The following ZDHHC14 variants were observed in gnomAD, a reference collection of about 807,000 sequenced individuals.
ZDHHC14 encodes zDHHC palmitoyltransferase 14, also known as palmitoyltransferase ZDHHC14.
In ZDHHC14, 16 loss-of-function variants were observed where a neutral mutation model predicts 47.7. That is an observed-to-expected ratio of 0.34 (90% CI 0.23 to 0.51). The LOEUF (loss-of-function observed/expected upper bound fraction) is 0.51. Among genes scored for constraint, ZDHHC14 ranks in the 20% least tolerant of loss-of-function variants. The pLI, the probability that ZDHHC14 is intolerant of heterozygous loss-of-function variation, is 0.97. For synonymous variants in ZDHHC14, 293 were observed against 278.9 expected, an observed-to-expected ratio of 1.05 and a Z score of -0.50; for missense variants, 515 against 662.5, an observed-to-expected ratio of 0.78 and a Z score of 2.44.
chr6:157,440,848 G>C (rs1160234764), intron 1 of ZDHHC14, among the ~76,000 whole-genome samples: 1 of 152,206 alleles, frequency 6.6e-6, no homozygotes, highest in Non-Finnish European at 1.5e-5. Flanking sequence ...ATGTGTACAA[G>C]TTTTCTTTTG....
At chr6:157,627,848 C>T (rs1012314367) in intron 3 of ZDHHC14, among the ~76,000 whole-genome samples, 6 of 152,194 alleles carry the variant, frequency 3.9e-5, no homozygotes, top group Admixed American at 2.0e-4. Flanking sequence ...ATCTGCTGAA[C>T]GGTTGTAACT....
At chr6:157,415,014 A>C (rs1777946206) in intron 1 of ZDHHC14, among the ~76,000 whole-genome samples, 1 of 152,118 alleles carries the variant, frequency 6.6e-6, no homozygotes. Flanking sequence ...TGAGGATTCA[A>C]GGACTTAATG....
intron 4 of ZDHHC14, 21 bp from the exon 5 acceptor site, chr6:157,632,813 A>G: frequency 1.2e-6 from 2 of 1,613,782 alleles, no homozygotes; most frequent in Non-Finnish European, 1.7e-6. Flanking sequence ...TGAATACTAA[A>G]TGTTGGTTTC....
intron 1 of ZDHHC14, among the ~76,000 whole-genome samples, chr6:157,392,738 T>C: frequency 6.6e-6 from 1 of 152,130 alleles, no homozygotes; most frequent in East Asian, 1.9e-4. Flanking sequence ...TTAGGTCTGT[T>C]TTTGCCTTTA....
chr6:157,670,787 A>T (rs1778762288), intron 8 of ZDHHC14, among the ~76,000 whole-genome samples: 1 of 152,152 alleles, frequency 6.6e-6, no homozygotes. Context: ...TCATAGCTCC[A>T]CTATGAACTT....
intron 7 of ZDHHC14, among the ~76,000 whole-genome samples, chr6:157,650,453 G>T (rs1777777317): frequency 6.6e-6 from 1 of 152,030 alleles, no homozygotes; most frequent in Non-Finnish European, 1.5e-5. Flanking sequence ...GAGCCTCATT[G>T]GGCCGTGTCC....
chr6:157,646,290 A>T (rs933876752), intron 6 of ZDHHC14: 17 of 153,530 alleles, frequency 1.1e-4, no homozygotes, highest in African/African-American at 4.1e-4. Flanking sequence ...ATCTGCCTGC[A>T]CTTAATACAG....
intron 8 of ZDHHC14, among the ~76,000 whole-genome samples, chr6:157,660,576 A>G (rs1162172762): frequency 6.6e-6 from 1 of 152,162 alleles, no homozygotes; most frequent in Non-Finnish European, 1.5e-5. Flanking sequence ...ACCTGGCCCT[A>G]TGTCTAGGAG....
At chr6:157,383,457 C>T (rs1326978668) in intron 1 of ZDHHC14, among the ~76,000 whole-genome samples, 1 of 152,150 alleles carries the variant, frequency 6.6e-6, no homozygotes, top group Admixed American at 6.5e-5. Context: ...GATTAATAGG[C>T]TCTAATTTTG....
chr6:157,511,327 A>T (rs557735909), intron 1 of ZDHHC14, among the ~76,000 whole-genome samples: 1 of 151,652 alleles, frequency 6.6e-6, no homozygotes, highest in African/African-American at 2.4e-5. Flanking sequence ...ACAGCCAATC[A>T]TTCTGTTCAG....
At position 157,381,497 on chromosome 6, in the gene ZDHHC14, T is replaced by C; in HGVS notation, c.-525T>C. 1 of 374,186 alleles carries C rather than the reference T, an allele frequency of 2.7e-6. No individual in the cohort carries two copies. The highest frequency in any genetic ancestry group is 5.4e-6 in the Non-Finnish European group (1 of 185,444). 23.2% of individuals were successfully genotyped at this position (374,186 alleles called of 1,614,324 possible). On this transcript the variant is annotated 5_prime_UTR_variant, in exon 1 of 9. Coordinates refer to ENST00000359775, the MANE Select transcript of ZDHHC14 (RefSeq NM_024630.3). ...CGCGCGGCCGCCCAGTCGCCAGCGCTCTCTCCTGGGAGGATCCGCTGCCGG... is the reference window on the plus strand; with the variant it reads ...CGCGCGGCCGCCCAGTCGCCAGCGCCCTCTCCTGGGAGGATCCGCTGCCGG...
intron 7 of ZDHHC14, among the ~76,000 whole-genome samples, chr6:157,648,665 G>A (rs1004156312): frequency 2.0e-5 from 3 of 152,220 alleles, no homozygotes; most frequent in African/African-American, 7.2e-5. Flanking sequence ...TCCTGGGTTA[G>A]AGGAGCTGCT....
At chr6:157,464,388 G>A (rs1779160261) in intron 1 of ZDHHC14, among the ~76,000 whole-genome samples, 1 of 152,292 alleles carries the variant, frequency 6.6e-6, no homozygotes, top group African/African-American at 2.4e-5. Flanking sequence ...ACTAAAAAGA[G>A]TTATAGTTCA....
intron 1 of ZDHHC14, 53 bp from the exon 2 acceptor site, chr6:157,542,532 A>G (rs2114804867): frequency 6.3e-7 from 1 of 1,582,118 alleles, no homozygotes; most frequent in Non-Finnish European, 8.6e-7. Context: ...GATTCCTAAC[A>G]TTGTATTTCC....
chr6:157,633,091 A>G (rs1321159043), intron 5 of ZDHHC14, among the ~76,000 whole-genome samples: 1 of 152,162 alleles, frequency 6.6e-6, no homozygotes, highest in African/African-American at 2.4e-5. Flanking sequence ...AGGGCTAGGA[A>G]GCCAAGTATG....
intron 1 of ZDHHC14, among the ~76,000 whole-genome samples, chr6:157,540,888 ATG>A (rs1171821046): frequency 6.3e-4 from 80 of 127,542 alleles, no homozygotes; most frequent in African/African-American, 2.1e-3. Flanking sequence ...ATATGTATGT[ATG>A]TGTGTGTGTG....
At chr6:157,577,837 C>T (rs1222190802) in intron 2 of ZDHHC14, among the ~76,000 whole-genome samples, 1 of 152,236 alleles carries the variant, frequency 6.6e-6, no homozygotes, top group East Asian at 1.9e-4. Flanking sequence ...AGGCGTGAGC[C>T]ACAGCAGCCA....
At chr6:157,629,801 T>G (rs181306235) in intron 4 of ZDHHC14, 1 of 152,176 alleles carries the variant, frequency 6.6e-6, no homozygotes, top group East Asian at 1.9e-4. Flanking sequence ...TCCCTCTATT[T>G]TCAAAGTCCT....
In ZDHHC14 at chr6:157,673,103, T is replaced by C; in HGVS notation, c.1448T>C (p.Val483Ala). 1 of 1,574,198 alleles carries C rather than the reference T, an allele frequency of 6.4e-7. No individual in the cohort carries two copies. Among genetic ancestry groups the C allele is most frequent in the Non-Finnish European group, 8.6e-7 (1 of 1,168,800 alleles). The stretch of plus-strand genomic sequence containing the variant: ...CATGAGGACTCTGTGCGCGGCCTGG[T>C]GAAGCTCAGCTCCGTGTGACCCACA... ...SLHEDSVRGL[V>A]KLSSV is the part of the protein sequence containing the mutation. Residue 483 changes from valine (V) to alanine (A), a missense_variant, in exon 9 of 9, where the codon GTG (valine) becomes GCG (alanine). Around this residue, in one of 4 missense-constraint regions of ZDHHC14, gnomAD observed 221 missense variants for 233.6 expected, o/e 0.95. Transcript: ENST00000359775. This position sits in a 1 kb window ranked among gnomAD's most constrained non-coding sequence, Gnocchi z 5.4.
Sources: gnomAD v4.1 joint callset for allele counts (sites outside exome capture counted in the v4.1 genomes callset) on GRCh38, gnomAD v4.1.1 for gene constraint, gnomAD v4.1.1 regional missense constraint, Gnocchi (gnomAD v3.1) non-coding constraint, MANE v1.5 for transcripts, NCBI Gene and HGNC (gene_info 2026-07-23, HGNC 2026-07-21) for gene names.